ARL17A: variants seen among roughly 807,000 people sequenced by gnomAD.
ARL17A encodes the protein ADP-ribosylation factor-like 17-like.
At chr17:46,505,807 CTT>C in the ARL17A span, among the ~76,000 whole-genome samples, 27 of 68,478 alleles carry the variant, frequency 3.9e-4, no homozygotes, top group Non-Finnish European at 3.7e-4. Context: ...TAAACATTGT[CTT>C]TTTTTTTTTT....
At chr17:46,544,878 G>A (rs2056046458) in intron 3 of ARL17A, among the ~76,000 whole-genome samples, 2 of 135,654 alleles carry the variant, frequency 1.5e-5, no homozygotes, top group Non-Finnish European at 3.1e-5. Context: ...TGCATGTCAT[G>A]TCTTCATTTC....
downstream of ARL17A, among the ~76,000 whole-genome samples, chr17:46,551,403 C>T (rs1598546655): frequency 6.0e-5 from 9 of 150,404 alleles, no homozygotes; most frequent in South Asian, 1.7e-3. Context: ...CCTCATTTAC[C>T]ATTTCCATTA....
chr17:46,502,007 G>A, the ARL17A span, among the ~76,000 whole-genome samples: 2 of 151,242 alleles, frequency 1.3e-5, no homozygotes, highest in Non-Finnish European at 2.9e-5. Context: ...TCTAACCTGT[G>A]ACCATTTCAC....
At chr17:46,535,103 G>A (rs1255208126) in intron 4 of ARL17A, among the ~76,000 whole-genome samples, 1 of 148,330 alleles carries the variant, frequency 6.7e-6, no homozygotes. Flanking sequence ...TCTATTGCCA[G>A]TGCTGGTATC....
exon 5 of ARL17A, chr17:46,516,726 ATTTTG>A: frequency 6.1e-6 from 1 of 164,292 alleles, no homozygotes; most frequent in African/African-American, 2.6e-5. Flanking sequence ...AGATTATTTT[ATTTTG>A]TTTTTTGCAT....
chr17:46,543,831 G>T (rs1399521770), intron 3 of ARL17A, among the ~76,000 whole-genome samples: 1 of 150,580 alleles, frequency 6.6e-6, no homozygotes, highest in Non-Finnish European at 1.5e-5. Flanking sequence ...GGCAGAAAAA[G>T]AATACCAAAA....
rs576302695 is a variant in ARL17A, at chr17:46,530,088, C to T, written c.336-1229G>A. On this transcript the variant is annotated intron_variant, in intron 4 of 4. Transcript: ENST00000329240. Reference sequence around the variant, plus strand: ...TTAGAAAAAAATAGAAACAGGGTCTCACTTTGTTACCCAGGCTGGTCTCAA... The same window carrying T: ...TTAGAAAAAAATAGAAACAGGGTCTTACTTTGTTACCCAGGCTGGTCTCAA... Among the ~76,000 whole-genome samples the T allele has an allele frequency of 3.0e-4, 44 of 146,170 alleles. 1 individual carries two copies. The highest frequency in any genetic ancestry group is 1.1e-3 in the African/African-American group (44 of 39,986).
intron 2 of ARL17A, among the ~76,000 whole-genome samples, chr17:46,574,927 C>T (rs2057745096): frequency 1.9e-5 from 1 of 51,350 alleles, no homozygotes; most frequent in African/African-American, 7.4e-5. Flanking sequence ...GAAACCCTGT[C>T]TCTACCACAA....
chr17:46,530,299 C>CAA (rs1213690170), intron 4 of ARL17A, among the ~76,000 whole-genome samples: 4 of 107,904 alleles, frequency 3.7e-5, no homozygotes, highest in Non-Finnish European at 8.8e-5. Flanking sequence ...GTTTTCATGC[C>CAA]AAAAAAAATC....
chr17:46,500,669 T>C, the ARL17A span, among the ~76,000 whole-genome samples: 10 of 151,224 alleles, frequency 6.6e-5, no homozygotes, highest in African/African-American at 2.0e-4. Flanking sequence ...GCAAATCCCT[T>C]GTTGAGTAGC....
intron 2 of ARL17A, among the ~76,000 whole-genome samples, chr17:46,575,307 C>T (rs576827993): frequency 0.018 from 2,736 of 149,718 alleles, 97 homozygotes; most frequent in African/African-American, 0.061. Flanking sequence ...TGCTGGTTCA[C>T]AGTAAGAGCA....
At chr17:46,502,577 C>T in the ARL17A span, among the ~76,000 whole-genome samples, 3 of 151,278 alleles carry the variant, frequency 2.0e-5, no homozygotes, top group Non-Finnish European at 2.9e-5. Context: ...GCTGGGATTA[C>T]AGGCATGAGC....
intron 3 of ARL17A, among the ~76,000 whole-genome samples, chr17:46,568,942 C>CTTTT (rs1350099989): frequency 2.8e-5 from 2 of 71,180 alleles, no homozygotes; most frequent in African/African-American, 5.1e-5. Context: ...TTTTTTTTCT[C>CTTTT]TTTTTTTTTT....
intron 3 of ARL17A, among the ~76,000 whole-genome samples, chr17:46,569,138 G>A (rs1248273820): frequency 1.3e-5 from 2 of 151,176 alleles, no homozygotes; most frequent in African/African-American, 4.9e-5. Context: ...AGTAGAGACA[G>A]GGTTTCACCA....
chr17:46,529,326 A>G (rs928026074), intron 4 of ARL17A, among the ~76,000 whole-genome samples: 7 of 95,790 alleles, frequency 7.3e-5, no homozygotes, highest in African/African-American at 2.4e-4. Flanking sequence ...TATTTAATAA[A>G]ATTATTTAGA....
chr17:46,541,828 A>G (rs2055378410), intron 3 of ARL17A, among the ~76,000 whole-genome samples: 2 of 151,086 alleles, frequency 1.3e-5, no homozygotes, highest in Non-Finnish European at 2.9e-5. Context: ...ATTTCATAAA[A>G]AAGAACTCAG....
intron 3 of ARL17A, among the ~76,000 whole-genome samples, chr17:46,541,680 G>C (rs1203878250): frequency 6.6e-6 from 1 of 150,494 alleles, no homozygotes; most frequent in East Asian, 1.9e-4. Flanking sequence ...GGAATATTTG[G>C]AAAAAATAAA....
chr17:46,529,210 A>T lies in ARL17A; in HGVS notation c.336-351T>A, dbSNP rs62073316. Among the ~76,000 whole-genome samples, 9 of 120,078 alleles carry T rather than the reference A, an allele frequency of 7.5e-5. No individual in the cohort carries two copies. In the East Asian group the frequency reaches 1.7e-3, roughly 23 times the overall value. The allele number at this position is 120,078 out of a possible 152,430, so 78.8% of individuals were successfully genotyped here. ...GAATTTGGAGGGAAAAAAAAGAACA[A>T]GCAAGAAATGTTCCCTTATTTTGTG... is the stretch of plus-strand genomic sequence containing the variant. On this transcript the variant is annotated intron_variant, in intron 4 of 4. Transcript: ENST00000329240.
At chr17:46,575,606 A>C (rs1344163188) in intron 2 of ARL17A, among the ~76,000 whole-genome samples, 8 of 110,940 alleles carry the variant, frequency 7.2e-5, no homozygotes, top group Admixed American at 4.5e-4. Flanking sequence ...TTGCCAAGCA[A>C]ATGGGGTTAA....
Sources: gnomAD v4.1 joint callset for allele counts (sites outside exome capture counted in the v4.1 genomes callset) on GRCh38, gnomAD v4.1.1 for gene constraint, MANE v1.5 for transcripts, NCBI Gene and HGNC (gene_info 2026-07-23, HGNC 2026-07-21) for gene names.